RGS20: variants seen among roughly 807,000 people sequenced by gnomAD.
RGS20 encodes gz-selective GTPase-activating protein.
Under a neutral mutation model 33.6 loss-of-function variants are expected in RGS20, and 30 were observed. The ratio of observed to expected loss-of-function variants is 0.89; its 90% confidence interval spans 0.67 to 1.21. The LOEUF is 1.21. Among genes scored for constraint, RGS20 ranks in the 50% most tolerant of loss-of-function variants. The pLI, the probability that RGS20 is intolerant of heterozygous loss-of-function variation, is 0.00. For synonymous variants in RGS20, 208 were observed against 197.9 expected (o/e 1.05, Z -0.43); for missense variants, 472 against 502.4 (o/e 0.94, Z 0.58).
At chr8:53,907,955 G>GA (rs149549732) in intron 2 of RGS20, among the ~76,000 whole-genome samples, 2,414 of 152,264 alleles carry the variant, frequency 0.016, 54 homozygotes, top group African/African-American at 0.054. Context: ...TGCCAGCCCA[G>GA]AAAAAATCCA....
At chr8:53,915,100 C>T (rs113302676) in intron 2 of RGS20, among the ~76,000 whole-genome samples, 8,207 of 151,490 alleles carry the variant, frequency 0.054, 673 homozygotes, top group African/African-American at 0.18. Flanking sequence ...GCCGAGATCG[C>T]GCCACTGCAC....
intron 2 of RGS20, among the ~76,000 whole-genome samples, chr8:53,930,626 A>G (rs1585932271): frequency 6.6e-6 from 1 of 152,114 alleles, no homozygotes; most frequent in African/African-American, 2.4e-5. Context: ...GTTCACTGCA[A>G]CCTCTGCCTC....
chr8:53,910,415 C>T (rs1429989753), intron 2 of RGS20, among the ~76,000 whole-genome samples: 2 of 132,020 alleles, frequency 1.5e-5, no homozygotes, highest in African/African-American at 6.6e-5. Flanking sequence ...CTATTAAAAT[C>T]GCCAGGAAAA....
chr8:53,892,301 T>C lies in RGS20; in HGVS notation c.510+12699T>C, dbSNP rs1812731773. On this transcript the variant is annotated intron_variant, in intron 2 of 5. Transcript: ENST00000297313. ...AATCCAGTCTATCATTGTTGGACAT[T>C]TGGGTTGGTTCCAAGTCTTTGCTAT... is the stretch of plus-strand genomic sequence containing the variant. Among the ~76,000 whole-genome samples the C allele has an allele frequency of 3.3e-5, 5 of 152,206 alleles. No individual in the cohort carries two copies. In the South Asian group the frequency reaches 1.0e-3, roughly 32 times the overall value.
chr8:53,901,313 C>T (rs973611687), intron 2 of RGS20, among the ~76,000 whole-genome samples: 1 of 152,122 alleles, frequency 6.6e-6, no homozygotes, highest in Admixed American at 6.5e-5. Flanking sequence ...AGTGATCCAC[C>T]CGCCTTGGCC....
At chr8:53,937,213 G>A (rs1814160917) in intron 2 of RGS20, among the ~76,000 whole-genome samples, 1 of 151,940 alleles carries the variant, frequency 6.6e-6, no homozygotes, top group Non-Finnish European at 1.5e-5. Flanking sequence ...AACGGGTGAA[G>A]CATACCAACA....
chr8:53,927,726 C>G (rs1813845099), intron 2 of RGS20, among the ~76,000 whole-genome samples: 1 of 152,138 alleles, frequency 6.6e-6, no homozygotes, highest in Non-Finnish European at 1.5e-5. Context: ...TGTCAAAAGG[C>G]ATTGATTCCA....
At chr8:53,955,002 CT>C (rs1814826795) in intron 5 of RGS20, among the ~76,000 whole-genome samples, 1 of 151,576 alleles carries the variant, frequency 6.6e-6, no homozygotes, top group East Asian at 2.0e-4. Context: ...TTACTTTTAA[CT>C]TTTTCCAGAA....
At chr8:53,917,199 G>A (rs1486120405) in intron 2 of RGS20, among the ~76,000 whole-genome samples, 2 of 152,148 alleles carry the variant, frequency 1.3e-5, no homozygotes, top group Non-Finnish European at 2.9e-5. Flanking sequence ...CCAGGCTGGA[G>A]TGCAGTGGTG....
intron 5 of RGS20, among the ~76,000 whole-genome samples, chr8:53,956,288 CAGG>C (rs1369937190): frequency 6.6e-6 from 1 of 152,040 alleles, no homozygotes; most frequent in Non-Finnish European, 1.5e-5. Context: ...GGGCAGGCAG[CAGG>C]AGGAGACTTA....
At chr8:53,938,901 G>C (rs1814208879) in intron 2 of RGS20, among the ~76,000 whole-genome samples, 1 of 152,200 alleles carries the variant, frequency 6.6e-6, no homozygotes, top group African/African-American at 2.4e-5. Context: ...GACCATCCCT[G>C]GTACGGAAAG....
intron 1 of RGS20, among the ~76,000 whole-genome samples, chr8:53,867,166 A>T (rs532129702): frequency 2.6e-5 from 4 of 152,086 alleles, no homozygotes; most frequent in African/African-American, 9.6e-5. Context: ...TCATTTCACC[A>T]GTGCCTCAGG....
At chr8:53,907,734 G>A (rs1262472649) in intron 2 of RGS20, among the ~76,000 whole-genome samples, 1 of 152,050 alleles carries the variant, frequency 6.6e-6, no homozygotes, top group African/African-American at 2.4e-5. Flanking sequence ...TGGCTTCTTA[G>A]GATCCCAGAA....
intron 1 of RGS20, among the ~76,000 whole-genome samples, chr8:53,869,032 C>T (rs1430390079): frequency 6.6e-6 from 1 of 152,150 alleles, no homozygotes; most frequent in Non-Finnish European, 1.5e-5. Context: ...AGATTATAGG[C>T]ATGAGCCACC....
chr8:53,941,167 C>A (rs987689537), intron 3 of RGS20, among the ~76,000 whole-genome samples: 1 of 152,174 alleles, frequency 6.6e-6, no homozygotes, highest in Non-Finnish European at 1.5e-5. Flanking sequence ...GCAGGCTCCT[C>A]CTACAGGTAA....
chr8:53,897,049 T>C (rs1394048298), intron 2 of RGS20, among the ~76,000 whole-genome samples: 2 of 152,176 alleles, frequency 1.3e-5, no homozygotes, highest in African/African-American at 4.8e-5. Context: ...AAAGTGGAAT[T>C]TGTGAAAAAA....
chr8:53,864,430 GAAA>G (rs754317203), intron 1 of RGS20, among the ~76,000 whole-genome samples: 22 of 82,886 alleles, frequency 2.7e-4, no homozygotes, highest in African/African-American at 7.6e-4. Flanking sequence ...AAGACTCCAT[GAAA>G]AAAAAAAAAA....
intron 2 of RGS20, among the ~76,000 whole-genome samples, chr8:53,935,702 A>G (rs1257028682): frequency 6.6e-6 from 1 of 150,922 alleles, no homozygotes; most frequent in Non-Finnish European, 1.5e-5. Flanking sequence ...TACCATTCCA[A>G]ACAATAGAAA....
At chr8:53,957,474 ACTTCACCC>A (rs1255661777) in intron 5 of RGS20, among the ~76,000 whole-genome samples, 2 of 152,106 alleles carry the variant, frequency 1.3e-5, no homozygotes, top group African/African-American at 4.8e-5. Flanking sequence ...GTCAACTTCC[ACTTCACCC>A]CTGTGCCCAA....
Sources: allele counts gnomAD v4.1 joint callset (sites outside exome capture counted in the v4.1 genomes callset), GRCh38; gene constraint gnomAD v4.1.1; transcripts MANE v1.5; gene names NCBI Gene and HGNC (gene_info 2026-07-23, HGNC 2026-07-21).